The following EPHB1 variants were observed in gnomAD, a reference collection of about 807,000 sequenced individuals.
The protein encoded by EPHB1 is EPH receptor B1.
A neutral mutation model predicts 94.4 loss-of-function variants in EPHB1; 30 were observed. The observed-to-expected ratio is 0.32, with a 90% CI of 0.24 to 0.43. The LOEUF is 0.43. Among genes scored for constraint, EPHB1 ranks in the 20% least tolerant of loss-of-function variants. The pLI, the probability that EPHB1 is intolerant of heterozygous loss-of-function variation, is 1.00. For synonymous variants in EPHB1, 522 were observed against 489.1 expected (o/e 1.07, Z -0.89); for missense variants, 1,055 against 1,308.3 (o/e 0.81, Z 2.99).
intron 3 of EPHB1, among the ~76,000 whole-genome samples, chr3:135,008,605 C>G (rs1473299453): frequency 6.6e-6 from 1 of 152,198 alleles, no homozygotes; most frequent in Non-Finnish European, 1.5e-5. Context: ...CCAGCAGTCC[C>G]TTGTGGAATC....
At chr3:134,936,065 A>G (rs1417188126) in intron 2 of EPHB1, among the ~76,000 whole-genome samples, 1 of 152,290 alleles carries the variant, frequency 6.6e-6, no homozygotes, top group East Asian at 1.9e-4. Context: ...TCGCTTTTGT[A>G]TCTTTGCCCC....
intron 2 of EPHB1, among the ~76,000 whole-genome samples, chr3:134,944,948 CT>C: frequency 6.6e-6 from 1 of 152,136 alleles, no homozygotes; most frequent in South Asian, 2.1e-4. Context: ...CACTTTTGTT[CT>C]TTGACATCCC....
chr3:134,922,123 C>A (rs1333127290), intron 1 of EPHB1, among the ~76,000 whole-genome samples: 5 of 152,264 alleles, frequency 3.3e-5, no homozygotes, highest in Non-Finnish European at 2.9e-5. Flanking sequence ...ACCACACGCA[C>A]TTCCAGCTGG....
At chr3:134,806,003 C>T (rs1199191006) in intron 1 of EPHB1, among the ~76,000 whole-genome samples, 1 of 152,024 alleles carries the variant, frequency 6.6e-6, no homozygotes, top group Non-Finnish European at 1.5e-5. Flanking sequence ...CACATAGCAC[C>T]CCCAGCACAT....
chr3:134,858,538 T>A (rs2037174804), intron 1 of EPHB1, among the ~76,000 whole-genome samples: 1 of 152,136 alleles, frequency 6.6e-6, no homozygotes, highest in East Asian at 1.9e-4. Context: ...TTAAAATCTG[T>A]TTCCATCAGC....
intron 1 of EPHB1, among the ~76,000 whole-genome samples, chr3:134,818,517 C>T (rs1185553278): frequency 2.0e-5 from 3 of 152,188 alleles, no homozygotes; most frequent in African/African-American, 7.2e-5. Flanking sequence ...TCTTTTATCC[C>T]TTGCCCCCCT....
chr3:134,877,937 TGG>T (rs2037651008), intron 1 of EPHB1, among the ~76,000 whole-genome samples: 5 of 152,230 alleles, frequency 3.3e-5, no homozygotes, highest in Non-Finnish European at 7.3e-5. Flanking sequence ...GCTATCTGGC[TGG>T]CTTCCAGGTG....
At chr3:135,118,979 G>A (rs1381790511) in intron 4 of EPHB1, among the ~76,000 whole-genome samples, 1 of 152,186 alleles carries the variant, frequency 6.6e-6, no homozygotes, top group Non-Finnish European at 1.5e-5. Flanking sequence ...TTTCCCAGAG[G>A]CCTTGGCCAG....
intron 1 of EPHB1, among the ~76,000 whole-genome samples, chr3:134,805,629 T>C (rs542222583): frequency 3.1e-4 from 47 of 152,272 alleles, no homozygotes; most frequent in African/African-American, 1.1e-3. Flanking sequence ...GCTGCACAGC[T>C]GCACATGCCC....
At chr3:135,052,269 T>C (rs931568252) in intron 3 of EPHB1, among the ~76,000 whole-genome samples, 2 of 152,162 alleles carry the variant, frequency 1.3e-5, no homozygotes, top group African/African-American at 4.8e-5. Flanking sequence ...TTCTGGTGTG[T>C]GTCGATTGAA....
At chr3:135,180,455 C>G (rs985301456) in intron 10 of EPHB1, among the ~76,000 whole-genome samples, 5 of 152,184 alleles carry the variant, frequency 3.3e-5, no homozygotes, top group African/African-American at 9.7e-5. Flanking sequence ...ACCACTGTTT[C>G]CAGAAGAAAG....
At chr3:135,252,025 T>A (rs1293899999) in intron 15 of EPHB1, among the ~76,000 whole-genome samples, 1 of 152,044 alleles carries the variant, frequency 6.6e-6, no homozygotes, top group Non-Finnish European at 1.5e-5. Context: ...TTATAAATAA[T>A]TTATAAATTA....
At chr3:135,097,319 T>A (rs185959484) in intron 3 of EPHB1, among the ~76,000 whole-genome samples, 1 of 152,010 alleles carries the variant, frequency 6.6e-6, no homozygotes, top group African/African-American at 2.4e-5. Flanking sequence ...TGGACCAGGA[T>A]TTTAGGATCC....
intron 1 of EPHB1, among the ~76,000 whole-genome samples, chr3:134,914,626 C>T (rs2038527321): frequency 6.6e-6 from 1 of 152,108 alleles, no homozygotes; most frequent in Non-Finnish European, 1.5e-5. Context: ...CTAATTTAAG[C>T]CCTGAGCATC....
At chr3:134,868,624 G>A (rs2037431067) in intron 1 of EPHB1, among the ~76,000 whole-genome samples, 1 of 152,190 alleles carries the variant, frequency 6.6e-6, no homozygotes, top group South Asian at 2.1e-4. Flanking sequence ...ATGGAATACT[G>A]AGTGTGAGAC....
intron 1 of EPHB1, among the ~76,000 whole-genome samples, chr3:134,827,179 G>A (rs779016398): frequency 6.6e-6 from 1 of 152,228 alleles, no homozygotes; most frequent in Non-Finnish European, 1.5e-5. Context: ...ACGGAGGTTT[G>A]TAGAACCTAA....
chr3:135,015,610 C>T lies in EPHB1; in HGVS notation c.805+63558C>T, dbSNP rs189633705. On this transcript the variant is annotated intron_variant, in intron 3 of 15. Coordinates refer to ENST00000398015, the MANE Select transcript of EPHB1 (RefSeq NM_004441.5). Reference sequence around the variant, plus strand: ...AGCCTCAGGATCCCTGGCTGCTTACCAATGACCCAGTGGCCTTTGGCATAC... The same window carrying T: ...AGCCTCAGGATCCCTGGCTGCTTACTAATGACCCAGTGGCCTTTGGCATAC... Among the ~76,000 whole-genome samples the T allele has an allele frequency of 2.2e-4, 34 of 152,312 alleles. 1 individual carries two copies. Among genetic ancestry groups the T allele is most frequent in the Admixed American group, 1.4e-3 (21 of 15,294 alleles).
intron 4 of EPHB1, among the ~76,000 whole-genome samples, chr3:135,116,171 G>A (rs1227855933): frequency 2.6e-5 from 4 of 152,180 alleles, no homozygotes; most frequent in African/African-American, 9.7e-5. Context: ...CCGAGATCGT[G>A]CCACTGCACT....
intron 3 of EPHB1, among the ~76,000 whole-genome samples, chr3:135,087,009 G>C (rs745384274): frequency 3.9e-5 from 6 of 152,194 alleles, no homozygotes; most frequent in Non-Finnish European, 5.9e-5. Flanking sequence ...TCTGCAAAAT[G>C]AGAAAAATAA....
Sources: gnomAD v4.1 joint callset for allele counts (sites outside exome capture counted in the v4.1 genomes callset) on GRCh38, gnomAD v4.1.1 for gene constraint, MANE v1.5 for transcripts, NCBI Gene and HGNC (gene_info 2026-07-23, HGNC 2026-07-21) for gene names.